The following TMEM232 variants were observed in gnomAD, a reference collection of about 807,000 sequenced individuals.
The protein encoded by TMEM232 is transmembrane protein 232.
Under a neutral mutation model 78.8 loss-of-function variants are expected in TMEM232, and 80 were observed. That is an observed-to-expected ratio of 1.01 (90% CI 0.85 to 1.22). The LOEUF (loss-of-function observed/expected upper bound fraction) is 1.22. Ranked by LOEUF, TMEM232 falls within the 50% of genes most tolerant of loss-of-function variation. TMEM232 has a pLI of 0.00. For missense variants in TMEM232, 881 were observed against 742.2 expected (o/e 1.19, Z -2.17); for synonymous variants, 297 against 254.3 (o/e 1.17, Z -1.60).
chr5:110,495,634 C>T (rs1765563374), intron 12 of TMEM232, among the ~76,000 whole-genome samples: 1 of 151,624 alleles, frequency 6.6e-6, no homozygotes, highest in Admixed American at 6.6e-5. Flanking sequence ...TAGACGAGGT[C>T]AGAACACATA....
chr5:110,580,953 C>T (rs1289413002), intron 10 of TMEM232, among the ~76,000 whole-genome samples: 1 of 151,460 alleles, frequency 6.6e-6, no homozygotes, highest in Non-Finnish European at 1.5e-5. Context: ...ATAGATCTAA[C>T]CAAGGAGGTG....
intron 12 of TMEM232, among the ~76,000 whole-genome samples, chr5:110,483,508 C>T (rs1764123558): frequency 6.6e-6 from 1 of 151,848 alleles, no homozygotes; most frequent in Middle Eastern, 3.4e-3. Context: ...GACAAAAAAC[C>T]AAACACCGCA....
intron 12 of TMEM232, among the ~76,000 whole-genome samples, chr5:110,504,803 C>G (rs1406340459): frequency 6.6e-6 from 1 of 152,216 alleles, no homozygotes; most frequent in Non-Finnish European, 1.5e-5. Flanking sequence ...TCTACTAATT[C>G]AAATGTTGAT....
At chr5:110,510,767 T>C (rs1195210991) in intron 12 of TMEM232, among the ~76,000 whole-genome samples, 5 of 152,152 alleles carry the variant, frequency 3.3e-5, no homozygotes, top group East Asian at 1.9e-4. Flanking sequence ...CCAGTTAGAA[T>C]GGCGATCATT....
At chr5:110,585,786 G>A (rs183376324) in intron 10 of TMEM232, among the ~76,000 whole-genome samples, 1 of 151,998 alleles carries the variant, frequency 6.6e-6, no homozygotes, top group African/African-American at 2.4e-5. Flanking sequence ...AGCTCCCTGC[G>A]GTCTCTGAAG....
rs370936547 is a variant in TMEM232 at position 110,641,072 on chromosome 5, T to C, written c.238-76A>G. ...ATATATATTTATTTTTAACTCTTAA[T>C]TGTGCTCCAAAAGTCATTCTATGAA... On this transcript the variant is annotated intron_variant, in intron 3 of 13. Coordinates refer to ENST00000455884, the MANE Select transcript of TMEM232 (RefSeq NM_001039763.4). The C allele has an allele frequency of 5.1e-4, 465 of 916,466 alleles. 2 individuals are homozygous for C. Among genetic ancestry groups the C allele is most frequent in the Middle Eastern group, 4.2e-3 (12 of 2,870 alleles). The allele number at this position is 916,466 out of a possible 1,614,324, so 56.8% of individuals were successfully genotyped here. A position where few individuals can be genotyped will look rare whatever the true frequency, so the allele number is the denominator to read the frequency against.
chr5:110,620,459 C>A (rs1308927711), intron 7 of TMEM232, among the ~76,000 whole-genome samples: 1 of 152,126 alleles, frequency 6.6e-6, no homozygotes, highest in Non-Finnish European at 1.5e-5. Context: ...CTAGAGAGAA[C>A]CCTTACTTCC....
chr5:110,524,403 GAAAGAAAGAAAGAAAAGAAAAGA>G (rs1272670529), intron 12 of TMEM232, among the ~76,000 whole-genome samples: 374 of 76,720 alleles, frequency 4.9e-3, no homozygotes, highest in Non-Finnish European at 8.2e-3. Flanking sequence ...AAGAAAGAAA[GAAAGAAAGAAAGAAAAGAAAAGA>G]AAAGAAAAGA....
chr5:110,627,956 A>G, intron 5 of TMEM232, 76 bp from the exon 6 acceptor site: 1 of 967,610 alleles, frequency 1.0e-6, no homozygotes. Flanking sequence ...AAAATCAACC[A>G]TTATATTATT....
chr5:110,477,586 T>C (rs1431019806), intron 12 of TMEM232, among the ~76,000 whole-genome samples: 3 of 151,868 alleles, frequency 2.0e-5, no homozygotes, highest in Admixed American at 1.3e-4. Flanking sequence ...CGTCCTTTCA[T>C]GGTTGTGTTA....
At chr5:110,402,147 C>T (rs754172721) in intron 2 of TMEM232, among the ~76,000 whole-genome samples, 7 of 151,998 alleles carry the variant, frequency 4.6e-5, no homozygotes, top group Admixed American at 2.6e-4. Context: ...ATGACTCATC[C>T]GTTTGCATCA....
chr5:110,441,124 G>C (rs975517276), intron 12 of TMEM232, among the ~76,000 whole-genome samples: 3 of 151,818 alleles, frequency 2.0e-5, no homozygotes, highest in Admixed American at 2.0e-4. Flanking sequence ...TCTGGATCCA[G>C]GGTTTCTGGA....
chr5:110,439,675 G>T (rs187926044), intron 12 of TMEM232, among the ~76,000 whole-genome samples: 1 of 152,124 alleles, frequency 6.6e-6, no homozygotes. Flanking sequence ...CTTTCAGATT[G>T]TATAGAGACT....
At chr5:110,562,576 T>C (rs776109677) in intron 11 of TMEM232, among the ~76,000 whole-genome samples, 3 of 152,066 alleles carry the variant, frequency 2.0e-5, no homozygotes, top group East Asian at 3.9e-4. Flanking sequence ...TGAACTTTGA[T>C]GTAGCTAGCC....
chr5:110,556,456 T>G (rs927277139), intron 11 of TMEM232, among the ~76,000 whole-genome samples: 1 of 151,864 alleles, frequency 6.6e-6, no homozygotes, highest in African/African-American at 2.4e-5. Flanking sequence ...AGTACAATCT[T>G]GGCTCACTGC....
In TMEM232 at chr5:110,640,894, C is replaced by T. The variant is rs1238303219; in HGVS notation, c.340G>A (p.Asp114Asn). Reference sequence around the variant, plus strand: ...AATAAGAATTTAAAGTACGTACCATCTTGGATTTCCCCTTTGCATTGAGCC... The same window carrying T: ...AATAAGAATTTAAAGTACGTACCATTTTGGATTTCCCCTTTGCATTGAGCC... ...YLAQCKGEIQ[D>N]ESLNMLYASL... is the part of the protein sequence containing the mutation. The change falls in exon 4 of 14, where the codon GAT becomes AAT. Residue 114 changes from aspartate (D) to asparagine (N), a missense_variant. Coordinates refer to ENST00000455884, the MANE Select transcript of TMEM232 (RefSeq NM_001039763.4). The T allele has an allele frequency of 2.0e-6, 3 of 1,524,314 alleles. No homozygotes were observed. Among genetic ancestry groups the T allele is most frequent in the South Asian group, 1.3e-5 (1 of 78,220 alleles). The allele number at this position is 1,524,314 out of a possible 1,614,324, so 94.4% of individuals were successfully genotyped here. A position where few individuals can be genotyped will look rare whatever the true frequency, so the allele number is the denominator to read the frequency against.
intron 2 of TMEM232, chr5:110,666,553 C>T (rs1790617105): frequency 6.6e-6 from 1 of 152,082 alleles, no homozygotes; most frequent in Admixed American, 6.6e-5. Context: ...TTATTTGTAG[C>T]ATCCTTGACC....
At position 110,420,680 on chromosome 5, in the gene TMEM232, GCTAA is replaced by G; in HGVS notation, c.1870_1873del (p.Leu624GlnfsTer10). The G allele has an allele frequency of 6.6e-7, 1 of 1,524,636 alleles. No individual in the cohort carries two copies. Among genetic ancestry groups the G allele is most frequent in the Non-Finnish European group, 8.7e-7 (1 of 1,143,152 alleles). 94.4% of individuals were successfully genotyped at this position (1,524,636 alleles called of 1,614,324 possible). On this transcript the variant is annotated frameshift_variant, in exon 14 of 14. Coordinates refer to ENST00000455884, the MANE Select transcript of TMEM232 (RefSeq NM_001039763.4). LOFTEE classifies it high-confidence loss of function. The stretch of plus-strand genomic sequence containing the variant: ...AACTTCTTGAAAGTGATTTTTCTCT[GCTAA>G]CTTTTTATCTTTAAGTTCTTGGGCC...
chr5:110,619,174 G>C (rs1053367871), intron 7 of TMEM232, among the ~76,000 whole-genome samples: 1 of 152,086 alleles, frequency 6.6e-6, no homozygotes, highest in African/African-American at 2.4e-5. Flanking sequence ...TTTGCCAACA[G>C]TGAAGATTCA....
Sources: gnomAD v4.1 joint callset for allele counts (sites outside exome capture counted in the v4.1 genomes callset) on GRCh38, gnomAD v4.1.1 for gene constraint, MANE v1.5 for transcripts, NCBI Gene and HGNC (gene_info 2026-07-23, HGNC 2026-07-21) for gene names.